CACNA2D3: variants seen among roughly 807,000 people sequenced by gnomAD.
The protein encoded by CACNA2D3 is calcium voltage-gated channel auxiliary subunit alpha2delta 3, also known as voltage-dependent calcium channel subunit alpha-2/delta-3.
CACNA2D3 carries 60 observed loss-of-function variants against 160.6 expected under a neutral mutation model. The observed-to-expected ratio is 0.37, with a 90% CI of 0.30 to 0.46. The LOEUF is 0.46. Ranked by LOEUF, CACNA2D3 falls within the 20% of genes least tolerant of loss-of-function variation. The probability of loss-of-function intolerance (pLI) is 1.00; values close to 1 mark genes in which losing one functional copy is unlikely to be tolerated. For synonymous variants in CACNA2D3, 558 were observed against 492.9 expected, an observed-to-expected ratio of 1.13 and a Z score of -1.75; for missense variants, 1,205 against 1,365.0, an observed-to-expected ratio of 0.88 and a Z score of 1.85.
chr3:54,969,062 A>C (rs77416499), intron 28 of CACNA2D3, among the ~76,000 whole-genome samples: 1,754 of 152,278 alleles, frequency 0.012, 29 homozygotes, highest in African/African-American at 0.04. Context: ...CATCTGACCA[A>C]GAATAAATGT....
Position 54,555,841 on chromosome 3 carries a change from T to C in CACNA2D3, c.545-6959T>C, listed in dbSNP as rs561320769. ...TGGAATTCACTTTATTGAGCAGAGT[T>C]CTGGGCATTGATACATACACTTGAC... On this transcript the variant is annotated intron_variant, in intron 5 of 37. Coordinates refer to ENST00000474759, the MANE Select transcript of CACNA2D3 (RefSeq NM_018398.3). Among the ~76,000 whole-genome samples the C allele has an allele frequency of 2.0e-5, 3 of 152,350 alleles. No homozygotes were observed. The South Asian group carries it at 6.2e-4, about 32-fold the overall frequency.
intron 11 of CACNA2D3, among the ~76,000 whole-genome samples, chr3:54,743,533 A>C (rs917791208): frequency 3.3e-5 from 5 of 152,230 alleles, no homozygotes; most frequent in East Asian, 3.8e-4. Context: ...GCTTTAAGCT[A>C]GAGAGTGACA....
intron 11 of CACNA2D3, among the ~76,000 whole-genome samples, chr3:54,734,680 T>C (rs1230844876): frequency 6.6e-6 from 1 of 152,230 alleles, no homozygotes; most frequent in East Asian, 1.9e-4. Flanking sequence ...CTGACTTTGC[T>C]ACATTGTCTT....
intron 35 of CACNA2D3, among the ~76,000 whole-genome samples, chr3:55,051,960 C>T (rs574109474): frequency 6.6e-6 from 1 of 152,292 alleles, no homozygotes; most frequent in African/African-American, 2.4e-5. Flanking sequence ...CGCCCTGCTT[C>T]GCCTCGTGCA....
chr3:54,942,415 G>A (rs1287458942), intron 27 of CACNA2D3, among the ~76,000 whole-genome samples: 3 of 152,204 alleles, frequency 2.0e-5, no homozygotes, highest in African/African-American at 7.2e-5. Context: ...TTGGGCACAG[G>A]GAGAAATAAG....
chr3:54,806,383 A>C (rs1320746356), intron 13 of CACNA2D3, among the ~76,000 whole-genome samples: 1 of 152,200 alleles, frequency 6.6e-6, no homozygotes, highest in Non-Finnish European at 1.5e-5. Flanking sequence ...ATGTACAAAA[A>C]TCACAAGCAT....
At chr3:54,942,764 C>T (rs1308075494) in intron 27 of CACNA2D3, among the ~76,000 whole-genome samples, 3 of 152,058 alleles carry the variant, frequency 2.0e-5, no homozygotes, top group African/African-American at 4.8e-5. Context: ...GTGGCTCACA[C>T]CTGTAATCCC....
At chr3:54,705,642 T>C (rs552414461) in intron 11 of CACNA2D3, among the ~76,000 whole-genome samples, 1 of 152,334 alleles carries the variant, frequency 6.6e-6, no homozygotes, top group African/African-American at 2.4e-5. Flanking sequence ...TGTAGAGTTA[T>C]TTAATTCAAC....
chr3:54,754,706 C>G (rs1249646618), intron 12 of CACNA2D3, among the ~76,000 whole-genome samples: 3 of 152,150 alleles, frequency 2.0e-5, no homozygotes, highest in Admixed American at 1.3e-4. Context: ...GTTCAGTGGT[C>G]TGCTTTAAAT....
intron 3 of CACNA2D3, among the ~76,000 whole-genome samples, chr3:54,344,492 A>G (rs1698421779): frequency 1.3e-5 from 2 of 152,218 alleles, no homozygotes; most frequent in South Asian, 2.1e-4. Flanking sequence ...GCAACGAGAA[A>G]TCATTTATCC....
In CACNA2D3 at chr3:54,625,121, C is replaced by T. The variant is rs575331008; in HGVS notation, c.964-2666C>T. ...TCCTGGCCCTGAGACTGCCTAGTTCCCTGGCCCTCAGCATTCCTCTCCCCC... is the reference window on the plus strand; with the variant it reads ...TCCTGGCCCTGAGACTGCCTAGTTCTCTGGCCCTCAGCATTCCTCTCCCCC... On this transcript the variant is annotated intron_variant, in intron 9 of 37. Transcript: ENST00000474759. 1.8e-4 allele frequency among the ~76,000 whole-genome samples: 28 copies of T among 152,224 alleles called. No homozygotes were observed. The South Asian group carries it at 4.1e-3, about 23-fold the overall frequency.
intron 27 of CACNA2D3, among the ~76,000 whole-genome samples, chr3:54,964,455 G>A (rs1702098495): frequency 6.6e-6 from 1 of 151,942 alleles, no homozygotes; most frequent in East Asian, 1.9e-4. Context: ...TTTCACAAAA[G>A]CATTTGCTGT....
chr3:54,371,208 C>G (rs963591289), intron 3 of CACNA2D3, among the ~76,000 whole-genome samples: 1 of 151,978 alleles, frequency 6.6e-6, no homozygotes, highest in African/African-American at 2.4e-5. Flanking sequence ...GACATAGGTT[C>G]TCATTTTCCT....
intron 9 of CACNA2D3, chr3:54,626,216 TGGCAGAAGTAG>T: frequency 1.1e-6 from 1 of 881,152 alleles, no homozygotes; most frequent in Admixed American, 2.0e-5. Context: ...TCCGGCAAGA[TGGCAGAAGTAG>T]AGCAGAAGAA....
intron 5 of CACNA2D3, among the ~76,000 whole-genome samples, chr3:54,506,106 G>C (rs887111398): frequency 1.1e-4 from 17 of 152,322 alleles, no homozygotes; most frequent in Non-Finnish European, 1.6e-4. Flanking sequence ...GGGCAGAGGA[G>C]AGGCAGGGAC....
chr3:54,917,444 G>C (rs1429556700), intron 27 of CACNA2D3, among the ~76,000 whole-genome samples: 1 of 152,210 alleles, frequency 6.6e-6, no homozygotes, highest in Non-Finnish European at 1.5e-5. Flanking sequence ...CCCAGTGTGG[G>C]GAGTAGACAA....
At chr3:54,215,776 G>C (rs1384469545) in intron 2 of CACNA2D3, among the ~76,000 whole-genome samples, 1 of 152,138 alleles carries the variant, frequency 6.6e-6, no homozygotes, top group Non-Finnish European at 1.5e-5. Context: ...TCTGGTCTCA[G>C]TTGCCGGAAG....
chr3:54,305,932 C>T (rs1023963348), intron 2 of CACNA2D3, among the ~76,000 whole-genome samples: 2 of 152,178 alleles, frequency 1.3e-5, no homozygotes, highest in Non-Finnish European at 2.9e-5. Context: ...TGCTGTTGCT[C>T]ATCCTGGACA....
In CACNA2D3 at chr3:54,804,225, T is replaced by C. The variant is rs1349465039; in HGVS notation, c.1381-12628T>C. Among the ~76,000 whole-genome samples, 4 of 151,618 alleles carry C rather than the reference T, an allele frequency of 2.6e-5. No homozygotes were observed. The East Asian group carries it at 7.8e-4, about 29-fold the overall frequency. ...TAACAATATTAACTTTAAATGTAAA[T>C]GGACTAAATGCTCCAATTAAAAGAC... On this transcript the variant is annotated intron_variant, in intron 13 of 37. Transcript: ENST00000474759.
Sources: allele counts gnomAD v4.1 joint callset (sites outside exome capture counted in the v4.1 genomes callset), GRCh38; gene constraint gnomAD v4.1.1; transcripts MANE v1.5; gene names NCBI Gene and HGNC (gene_info 2026-07-23, HGNC 2026-07-21).